DLC1: variants seen among roughly 807,000 people sequenced by gnomAD.
DLC1 encodes the protein DLC1 Rho GTPase activating protein.
DLC1 carries 54 observed loss-of-function variants against 140.3 expected under a neutral mutation model. The ratio of observed to expected loss-of-function variants is 0.38; its 90% CI spans 0.31 to 0.48. The LOEUF (loss-of-function observed/expected upper bound fraction) is 0.48. Among genes scored for constraint, DLC1 ranks in the 20% least tolerant of loss-of-function variants. The pLI, the probability that DLC1 is intolerant of heterozygous loss-of-function variation, is 0.96. For missense variants in DLC1, 2,536 were observed against 1,907.0 expected (o/e 1.33, Z -6.14); for synonymous variants, 986 against 728.1 (o/e 1.35, Z -5.70).
At chr8:13,417,540 T>G (rs1273054972) in intron 2 of DLC1, among the ~76,000 whole-genome samples, 1 of 151,822 alleles carries the variant, frequency 6.6e-6, no homozygotes, top group African/African-American at 2.4e-5. Flanking sequence ...GGACATGAAC[T>G]CATCCTTTTT....
chr8:13,436,500 T>C (rs1839128185), intron 2 of DLC1, among the ~76,000 whole-genome samples: 1 of 152,218 alleles, frequency 6.6e-6, no homozygotes, highest in South Asian at 2.1e-4. Context: ...GACTTGTCTA[T>C]AAAACAGGTT....
In DLC1 at chr8:13,311,988, C is replaced by G. The variant is rs922630381; in HGVS notation, c.1315-6686G>C. On this transcript the variant is annotated intron_variant, in intron 4 of 17. Coordinates refer to ENST00000276297, the MANE Select transcript of DLC1 (RefSeq NM_182643.3). Reference sequence around the variant, plus strand: ...ACCTAAATGTTGAATTTCAGTTTGACAAAGCTCTGGTTGAGGCCACTTTCA... The same window carrying G: ...ACCTAAATGTTGAATTTCAGTTTGAGAAAGCTCTGGTTGAGGCCACTTTCA... 7.9e-5 allele frequency among the ~76,000 whole-genome samples: 12 copies of G among 152,158 alleles called. 1 individual carries two copies. The highest frequency in any genetic ancestry group is 6.5e-4 in the Admixed American group (10 of 15,282).
chr8:13,382,894 A>G (rs1836339612), intron 4 of DLC1, among the ~76,000 whole-genome samples: 1 of 152,244 alleles, frequency 6.6e-6, no homozygotes, highest in African/African-American at 2.4e-5. Context: ...GTAGAGAAAG[A>G]CATATCTTGA....
intron 4 of DLC1, among the ~76,000 whole-genome samples, chr8:13,379,718 T>C (rs976084628): frequency 6.6e-6 from 1 of 152,208 alleles, no homozygotes; most frequent in Admixed American, 6.5e-5. Flanking sequence ...AAATGTGCCA[T>C]GGTGGTTTTC....
intron 5 of DLC1, among the ~76,000 whole-genome samples, chr8:13,177,580 TA>T (rs964455700): frequency 5.8e-4 from 89 of 152,336 alleles, no homozygotes; most frequent in African/African-American, 2.0e-3. Context: ...ATATATGCAT[TA>T]CAAAACAACC....
At chr8:13,222,896 A>G (rs572749426) in intron 5 of DLC1, among the ~76,000 whole-genome samples, 3 of 152,078 alleles carry the variant, frequency 2.0e-5, no homozygotes, top group Non-Finnish European at 4.4e-5. Flanking sequence ...GGCACACACC[A>G]CTATACCCAG....
At position 13,099,452 on chromosome 8, in the gene DLC1, C is replaced by T. The variant is rs201102622; in HGVS notation, c.2885G>A (p.Ser962Asn). 27 of 1,614,030 alleles carry T rather than the reference C, an allele frequency of 1.7e-5. No individual in the cohort carries two copies. The highest frequency in any genetic ancestry group is 1.9e-5 in the Non-Finnish European group (23 of 1,180,036). Residue 962 changes from serine to asparagine, a missense_variant, in exon 9 of 18, where the codon AGC (serine) becomes AAC (asparagine). Physicochemically the swap from Ser to Asn is conservative, Grantham distance 46. Coordinates refer to ENST00000276297, the MANE Select transcript of DLC1 (RefSeq NM_182643.3). ...GGAGTTGCCTGTGCTGTCCAGGTCG[C>T]TGGGTGTGGTTCGGTCGTTGTCCAC... ...LDVDNDRTTP[S>N]DLDSTGNSLN...
chr8:13,142,022 C>G (rs1226605852), intron 5 of DLC1, among the ~76,000 whole-genome samples: 1 of 152,226 alleles, frequency 6.6e-6, no homozygotes, highest in Middle Eastern at 3.4e-3. Flanking sequence ...ATGCTGTTCT[C>G]GTGATAGTGA....
chr8:13,408,151 G>T (rs1259820011), intron 2 of DLC1, among the ~76,000 whole-genome samples: 2 of 152,116 alleles, frequency 1.3e-5, no homozygotes, highest in African/African-American at 2.4e-5. Flanking sequence ...TAGCAGGAAA[G>T]AAAACAACAA....
At chr8:13,177,514 C>G (rs1229155777) in intron 5 of DLC1, among the ~76,000 whole-genome samples, 7 of 152,136 alleles carry the variant, frequency 4.6e-5, no homozygotes, top group Non-Finnish European at 1.0e-4. Flanking sequence ...AATCTTACTT[C>G]CCTCACATTC....
chr8:13,448,533 T>C (rs1798900791), intron 2 of DLC1, among the ~76,000 whole-genome samples: 1 of 152,090 alleles, frequency 6.6e-6, no homozygotes, highest in African/African-American at 2.4e-5. Flanking sequence ...CGGCTAATTT[T>C]TGTATTTTTA....
intron 1 of DLC1, among the ~76,000 whole-genome samples, chr8:13,548,091 G>A (rs1803712967): frequency 1.3e-5 from 2 of 152,012 alleles, no homozygotes; most frequent in East Asian, 1.9e-4. Context: ...CAAGAGTTAC[G>A]TTGTTGAAGG....
intron 1 of DLC1, among the ~76,000 whole-genome samples, chr8:13,571,257 T>C (rs536100949): frequency 2.7e-4 from 41 of 152,188 alleles, no homozygotes; most frequent in Non-Finnish European, 5.0e-4. Flanking sequence ...CTGTTATTAA[T>C]AGTACCATTC....
chr8:13,223,247 A>C (rs1156789168), intron 5 of DLC1, among the ~76,000 whole-genome samples: 1 of 152,006 alleles, frequency 6.6e-6, no homozygotes, highest in Non-Finnish European at 1.5e-5. Context: ...GAATTCAATA[A>C]AAATTTTTCC....
intron 1 of DLC1, among the ~76,000 whole-genome samples, chr8:13,568,593 A>G (rs566076882): frequency 5.6e-4 from 66 of 118,374 alleles, no homozygotes; most frequent in African/African-American, 2.0e-3. Flanking sequence ...GAAATGAATA[A>G]GAAGAGAAGC....
chr8:13,155,133 T>C (rs1824154942), intron 5 of DLC1, among the ~76,000 whole-genome samples: 1 of 32,924 alleles, frequency 3.0e-5, no homozygotes, highest in South Asian at 9.0e-4. Flanking sequence ...CTTGCGCTGC[T>C]TTTTTTTTTT....
chr8:13,354,203 G>T (rs1316924598), intron 4 of DLC1, among the ~76,000 whole-genome samples: 1 of 151,986 alleles, frequency 6.6e-6, no homozygotes, highest in Non-Finnish European at 1.5e-5. Flanking sequence ...CCTTTTTCCA[G>T]GCTTTGCTAA....
rs774461184 is a variant in DLC1 at position 13,393,636 on chromosome 8, C to T, written c.1231G>A (p.Val411Ile). 3.1e-6 allele frequency: 5 copies of T among 1,614,100 alleles called. No individual in the cohort carries two copies. Among genetic ancestry groups the T allele is most frequent in the Non-Finnish European group, 4.2e-6 (5 of 1,180,018 alleles). The change falls in exon 4 of 18, where the codon GTA becomes ATA. Residue 411 changes from valine (V) to isoleucine (I), a missense_variant. Physicochemically the swap from Val to Ile is conservative, Grantham distance 29. Transcript: ENST00000276297. Reference protein sequence around the residue: ...ADTISVNQTRVNLSSDTESTD... With the variant: ...ADTISVNQTRINLSSDTESTD... ...GACTCAGTGTCAGAAGACAAATTTA[C>T]TCGTGTCTGATTTACTGAAATGGTA...
chr8:13,428,207 G>T (rs778479621), intron 2 of DLC1, among the ~76,000 whole-genome samples: 1 of 152,142 alleles, frequency 6.6e-6, no homozygotes, highest in Admixed American at 6.5e-5. Context: ...CCTTCACTGG[G>T]TCCACAGACA....
Sources: gnomAD v4.1 joint callset for allele counts (sites outside exome capture counted in the v4.1 genomes callset) on GRCh38, gnomAD v4.1.1 for gene constraint, MANE v1.5 for transcripts, NCBI Gene and HGNC (gene_info 2026-07-23, HGNC 2026-07-21) for gene names.